PLEKHM2: variants seen among roughly 807,000 people sequenced by gnomAD.
PLEKHM2 encodes pleckstrin homology and RUN domain containing M2, also known as pleckstrin homology domain-containing family M member 2.
Under a neutral mutation model 116.3 loss-of-function variants are expected in PLEKHM2, and 77 were observed. The observed-to-expected ratio is 0.66, with a 90% CI of 0.55 to 0.80. The LOEUF is 0.80. PLEKHM2 is among the 30% of genes least tolerant of loss of function. PLEKHM2 has a pLI of 0.00. For missense variants in PLEKHM2, 1,183 were observed against 1,354.9 expected (o/e 0.87, Z 1.99); for synonymous variants, 562 against 571.0 (o/e 0.98, Z 0.22).
At chr1:15,724,409 G>A (rs2068034305) in intron 7 of PLEKHM2, among the ~76,000 whole-genome samples, 2 of 152,144 alleles carry the variant, frequency 1.3e-5, no homozygotes, top group South Asian at 4.1e-4. Flanking sequence ...CTTGAACCCG[G>A]GAGTTGGAGG....
rs144815628 is a variant in PLEKHM2, at chr1:15,714,651, G to A, written c.61-1586G>A. On this transcript the variant is annotated intron_variant, in intron 1 of 19. Transcript: ENST00000375799. Reference sequence around the variant, plus strand: ...GAGCTGAATTGTTGGTCTCTCTCCAGGAGCACATGCTTGTTGGTGTGGTTG... The same window carrying A: ...GAGCTGAATTGTTGGTCTCTCTCCAAGAGCACATGCTTGTTGGTGTGGTTG... Among the ~76,000 whole-genome samples the A allele has an allele frequency of 1.4e-3, 213 of 152,312 alleles. 4 individuals carry two copies. The East Asian group carries it at 0.038, about 27-fold the overall frequency.
At chr1:15,706,056 G>C (rs143753900) in intron 1 of PLEKHM2, among the ~76,000 whole-genome samples, 3 of 152,300 alleles carry the variant, frequency 2.0e-5, no homozygotes, top group African/African-American at 7.2e-5. Flanking sequence ...ACTCCAGCCT[G>C]GGTGACAGAG....
chr1:15,715,103 C>T (rs1641418213), intron 1 of PLEKHM2, among the ~76,000 whole-genome samples: 1 of 152,204 alleles, frequency 6.6e-6, no homozygotes, highest in Non-Finnish European at 1.5e-5. Flanking sequence ...TAACGTGAGC[C>T]TTGCATGCAC....
chr1:15,681,981 G>A (rs1032819030), upstream of PLEKHM2, among the ~76,000 whole-genome samples: 9 of 151,698 alleles, frequency 5.9e-5, no homozygotes, highest in African/African-American at 1.9e-4. Flanking sequence ...GAGGTAAGAG[G>A]ATGGCCTGAG....
rs1249746368 is a variant in PLEKHM2, at chr1:15,698,541, C to CTTTTTTTT, written c.60+13926_60+13927insTTTTTTTT. On this transcript the variant is annotated intron_variant, in intron 1 of 19. Coordinates refer to ENST00000375799, the MANE Select transcript of PLEKHM2 (RefSeq NM_015164.4). ...TGTTTTTCTTTCTTTTTCTTTCTTTCTTTCTTTCTTTTTTTTTTTTTTTTT... is the reference window on the plus strand; with the variant it reads ...TGTTTTTCTTTCTTTTTCTTTCTTTCTTTTTTTTTTTCTTTCTTTTTTTTTTTTTTTTT... Among the ~76,000 whole-genome samples, 30 of 139,004 alleles carry CTTTTTTTT rather than the reference C, an allele frequency of 2.2e-4. 1 individual carries two copies. The highest frequency in any genetic ancestry group is 7.9e-4 in the African/African-American group (27 of 34,328). 91.2% of individuals were successfully genotyped at this position (139,004 alleles called of 152,430 possible).
intron 1 of PLEKHM2, among the ~76,000 whole-genome samples, chr1:15,689,345 G>A (rs1029304797): frequency 5.9e-5 from 9 of 152,212 alleles, no homozygotes; most frequent in Admixed American, 2.0e-4. Context: ...CATCCCCAAG[G>A]AAGTGGGGCC....
chr1:15,682,624 C>CA (rs1386189129), upstream of PLEKHM2, among the ~76,000 whole-genome samples: 19 of 66,280 alleles, frequency 2.9e-4, 1 homozygote, highest in South Asian at 1.0e-3. Flanking sequence ...GTCTCAAAAA[C>CA]AAACAAAACA....
At position 15,734,443 on chromosome 1, in the gene PLEKHM2, A is replaced by G. The variant is rs1437830959; in HGVS notation, c.*509A>G. 6.5e-6 allele frequency: 1 copy of G among 154,300 alleles called. No individual in the cohort carries two copies. The highest frequency in any genetic ancestry group is 2.4e-5 in the African/African-American group (1 of 41,412). 9.6% of individuals were successfully genotyped at this position (154,300 alleles called of 1,614,324 possible). A position where few individuals can be genotyped will look rare whatever the true frequency, so the allele number is the denominator to read the frequency against. ...CATGTTTCCTCCTCCTAGCTCCATCACTGCGCACACAGCTGCCTGCCTCGC... is the reference window on the plus strand; with the variant it reads ...CATGTTTCCTCCTCCTAGCTCCATCGCTGCGCACACAGCTGCCTGCCTCGC... On this transcript the variant is annotated 3_prime_UTR_variant, in exon 20 of 20. Transcript: ENST00000375799.
chr1:15,728,544 C>T lies in PLEKHM2; in HGVS notation c.1922-125C>T, dbSNP rs12724755. 190,159 of 1,009,924 alleles carry T rather than the reference C, an allele frequency of 0.19. 18,610 individuals are homozygous for T. The highest frequency in any genetic ancestry group is 0.25 in the Middle Eastern group (834 of 3,284). 62.6% of individuals were successfully genotyped at this position (1,009,924 alleles called of 1,614,324 possible). A position where few individuals can be genotyped will look rare whatever the true frequency, so the allele number is the denominator to read the frequency against. On this transcript the variant is annotated intron_variant, in intron 11 of 19. Coordinates refer to ENST00000375799, the MANE Select transcript of PLEKHM2 (RefSeq NM_015164.4). This position sits in a 1 kb window ranked among gnomAD's most constrained non-coding sequence, Gnocchi z 5.9. ...TGGGGCTCCCTCTGTGAGCACTCCA[C>T]GCCATTCTCCTACTGCAGGGCAAGG...
chr1:15,693,076 C>T (rs10927830), intron 1 of PLEKHM2, among the ~76,000 whole-genome samples: 4,509 of 141,888 alleles, frequency 0.032, 235 homozygotes, highest in African/African-American at 0.11. Flanking sequence ...AGTCTCTCTC[C>T]GTTGCCCAGG....
chr1:15,689,381 C>A (rs1458085713), intron 1 of PLEKHM2, among the ~76,000 whole-genome samples: 1 of 152,114 alleles, frequency 6.6e-6, no homozygotes, highest in Admixed American at 6.5e-5. Flanking sequence ...CGAGGACAGG[C>A]GTGACCTGTC....
intron 3 of PLEKHM2, among the ~76,000 whole-genome samples, chr1:15,717,567 G>A (rs1641471392): frequency 1.3e-5 from 2 of 152,234 alleles, no homozygotes; most frequent in South Asian, 4.1e-4. Context: ...TGGAATCCCA[G>A]CCTGAGCACG....
In PLEKHM2 at chr1:15,728,213, C is replaced by T. The variant is rs1571068776; in HGVS notation, c.1831-54C>T. On this transcript the variant is annotated intron_variant, in intron 10 of 19. Transcript: ENST00000375799. This position sits in a 1 kb window ranked among gnomAD's most constrained non-coding sequence, Gnocchi z 5.9. Reference sequence around the variant, plus strand: ...GGGCAAGGCGGGATGGGCCACCGCCCCCGCTGGAGCGGCAGGAGCCACCTG... The same window carrying T: ...GGGCAAGGCGGGATGGGCCACCGCCTCCGCTGGAGCGGCAGGAGCCACCTG... 40 of 1,605,090 alleles carry T rather than the reference C, an allele frequency of 2.5e-5. No individual in the cohort carries two copies. In the East Asian group the frequency reaches 8.7e-4, roughly 35 times the overall value.
chr1:15,718,632 C>T lies in PLEKHM2; in HGVS notation c.465+7C>T, dbSNP rs752327936. The stretch of plus-strand genomic sequence containing the variant: ...TCGTTTCGAGCTGGATCTGGTGAGA[C>T]ACCAGGGCTCTCACTGCTTGTGGGA... On this transcript the variant is annotated splice_region_variant and intron_variant, in intron 5 of 19. Transcript: ENST00000375799. 2.6e-6 allele frequency: 4 copies of T among 1,522,172 alleles called. No homozygotes were observed. The highest frequency in any genetic ancestry group is 2.7e-6 in the Non-Finnish European group (3 of 1,119,370). 94.3% of individuals were successfully genotyped at this position (1,522,172 alleles called of 1,614,324 possible). A position where few individuals can be genotyped will look rare whatever the true frequency, so the allele number is the denominator to read the frequency against.
At chr1:15,717,629 G>A (rs1641472631) in intron 3 of PLEKHM2, among the ~76,000 whole-genome samples, 1 of 152,188 alleles carries the variant, frequency 6.6e-6, no homozygotes, top group Admixed American at 6.5e-5. Context: ...TTAGCCTACA[G>A]GATCAGTGCA....
At chr1:15,685,900 C>T (rs1640760793) in intron 1 of PLEKHM2, among the ~76,000 whole-genome samples, 1 of 152,162 alleles carries the variant, frequency 6.6e-6, no homozygotes, top group African/African-American at 2.4e-5. Flanking sequence ...TTTGCTTACT[C>T]AAGGAGGGCA....
intron 1 of PLEKHM2, among the ~76,000 whole-genome samples, chr1:15,689,985 A>G (rs935390983): frequency 6.9e-6 from 1 of 145,912 alleles, no homozygotes; most frequent in Non-Finnish European, 1.5e-5. Flanking sequence ...CAAACTCCCT[A>G]CCTCAGGTGA....
In PLEKHM2 at chr1:15,734,043, C is replaced by A; in HGVS notation, c.*109C>A. 1 of 1,262,032 alleles carries A rather than the reference C, an allele frequency of 7.9e-7. No individual in the cohort carries two copies. Among genetic ancestry groups the A allele is most frequent in the Non-Finnish European group, 1.1e-6 (1 of 933,086 alleles). 78.2% of individuals were successfully genotyped at this position (1,262,032 alleles called of 1,614,324 possible). ...GTCGGGAGCCTACAGTCCACCCCTG[C>A]CCTGGGCGGCAGAACCACCGAGTGT... On this transcript the variant is annotated 3_prime_UTR_variant, in exon 20 of 20. Transcript: ENST00000375799.
rs2068000472 is a variant in PLEKHM2, at chr1:15,721,793, A to G, written c.712+405A>G. On this transcript the variant is annotated intron_variant, in intron 7 of 19. Transcript: ENST00000375799. This position sits in a 1 kb window ranked among gnomAD's most constrained non-coding sequence, Gnocchi z 5.1. ...CTCCTGCGGGTCAGATGAGCATCGAAGAGAAAGAGCTTGATTCTTTCAGTC... is the reference window on the plus strand; with the variant it reads ...CTCCTGCGGGTCAGATGAGCATCGAGGAGAAAGAGCTTGATTCTTTCAGTC... Among the ~76,000 whole-genome samples, 1 of 152,222 alleles carries G rather than the reference A, an allele frequency of 6.6e-6. No homozygotes were observed. The highest frequency in any genetic ancestry group is 2.1e-4 in the South Asian group (1 of 4,836).
Sources: allele counts gnomAD v4.1 joint callset (sites outside exome capture counted in the v4.1 genomes callset), GRCh38; gene constraint gnomAD v4.1.1; non-coding constraint Gnocchi (gnomAD v3.1); transcripts MANE v1.5; gene names NCBI Gene and HGNC (gene_info 2026-07-23, HGNC 2026-07-21).